Variants in HERC2 observed in about 807,000 individuals in gnomAD.
The protein encoded by HERC2 is HECT and RLD domain containing E3 ubiquitin protein ligase 2, also known as E3 ubiquitin-protein ligase HERC2.
Under a neutral mutation model 537.7 loss-of-function variants are expected in HERC2, and 102 were observed. The ratio of observed to expected loss-of-function variants is 0.19; its 90% confidence interval spans 0.16 to 0.22. HERC2 has a LOEUF of 0.22. Among genes scored for constraint, HERC2 ranks in the 10% least tolerant of loss-of-function variants. HERC2 has a pLI of 1.00. For missense variants in HERC2, 4,236 were observed against 6,198.2 expected (o/e 0.68, Z 10.63); for synonymous variants, 2,224 against 2,466.2 (o/e 0.90, Z 2.91).
chr15:28,174,928 T>C (rs1857614631), intron 64 of HERC2, among the ~76,000 whole-genome samples: 1 of 152,124 alleles, frequency 6.6e-6, no homozygotes. Flanking sequence ...AATAATTTTT[T>C]CCCTTTTATT....
At chr15:28,195,403 C>G (rs1025299227) in intron 52 of HERC2, among the ~76,000 whole-genome samples, 8 of 151,248 alleles carry the variant, frequency 5.3e-5, no homozygotes, top group Non-Finnish European at 8.9e-5. Context: ...GGAGGTTGCA[C>G]TGAGCCAAGA....
Position 28,169,467 on chromosome 15 carries a change from T to C in HERC2, c.10229+17A>G. 1 of 1,535,666 alleles carries C rather than the reference T, an allele frequency of 6.5e-7. No homozygotes were observed. Among genetic ancestry groups the C allele is most frequent in the Non-Finnish European group, 8.8e-7 (1 of 1,137,466 alleles). ...TCACATAATTGCAGAATTTCAAAAATTAGCACAGAAGCCTACCTGGCATAC... is the reference window on the plus strand; with the variant it reads ...TCACATAATTGCAGAATTTCAAAAACTAGCACAGAAGCCTACCTGGCATAC... On this transcript the variant is annotated intron_variant, in intron 66 of 92. Transcript: ENST00000261609.
intron 9 of HERC2, chr15:28,272,008 T>C: frequency 1.8e-6 from 1 of 556,952 alleles, no homozygotes; most frequent in South Asian, 2.7e-5. Flanking sequence ...CTTGGTTTTG[T>C]GCTGACAAGG....
At chr15:28,114,039 C>T (rs535961852) in intron 90 of HERC2, among the ~76,000 whole-genome samples, 17 of 152,194 alleles carry the variant, frequency 1.1e-4, no homozygotes, top group East Asian at 1.9e-4. Flanking sequence ...AGACACGATA[C>T]GGGGGACAGC....
intron 48 of HERC2, among the ~76,000 whole-genome samples, chr15:28,200,845 T>C (rs918495028): frequency 5.6e-5 from 8 of 142,114 alleles, no homozygotes; most frequent in South Asian, 2.5e-4. Flanking sequence ...AATGAGATGA[T>C]TTGGGGGATT....
intron 15 of HERC2, among the ~76,000 whole-genome samples, chr15:28,262,121 C>G (rs1416548370): frequency 6.6e-6 from 1 of 152,182 alleles, no homozygotes; most frequent in East Asian, 1.9e-4. Flanking sequence ...TGCCTTTTCC[C>G]TTCTTCCTAC....
intron 23 of HERC2, among the ~76,000 whole-genome samples, chr15:28,239,678 T>A (rs560596941): frequency 6.9e-6 from 1 of 144,206 alleles, no homozygotes; most frequent in Non-Finnish European, 1.5e-5. Flanking sequence ...CCAACGAGAC[T>A]GAATTCAAAT....
At chr15:28,231,610 G>C (rs1901858870) in intron 30 of HERC2, among the ~76,000 whole-genome samples, 1 of 152,040 alleles carries the variant, frequency 6.6e-6, no homozygotes, top group South Asian at 2.1e-4. Context: ...GACGCCACTG[G>C]GGAGAGACAC....
chr15:28,245,483 G>C (rs1247611952), intron 23 of HERC2, among the ~76,000 whole-genome samples: 1 of 150,730 alleles, frequency 6.6e-6, no homozygotes, highest in African/African-American at 2.4e-5. Context: ...GGAGGCAGAG[G>C]TTGCAGTGAG....
At chr15:28,121,242 G>A in intron 86 of HERC2, 104 bp downstream of exon 86, 2 of 970,018 alleles carry the variant, frequency 2.1e-6, no homozygotes, top group South Asian at 2.8e-5. Context: ...TAAAGTTGGG[G>A]TGCACAGGAT....
intron 52 of HERC2, among the ~76,000 whole-genome samples, chr15:28,194,259 G>GT (rs1297637036): frequency 6.7e-6 from 1 of 148,352 alleles, no homozygotes; most frequent in African/African-American, 2.5e-5. Context: ...TACAGACGGG[G>GT]TTTCACCGTG....
intron 4 of HERC2, among the ~76,000 whole-genome samples, chr15:28,283,801 T>C (rs1264456252): frequency 6.6e-6 from 1 of 152,190 alleles, no homozygotes; most frequent in Non-Finnish European, 1.5e-5. Flanking sequence ...AGGGAGGTAG[T>C]TTCTATATCC....
Position 28,260,840 on chromosome 15 carries a change from T to C in HERC2, c.2253A>G (p.Glu751=), listed in dbSNP as rs61754658. The stretch of plus-strand genomic sequence containing the variant: ...TGTCCAGTCCTGGCAATGCTGCAGG[T>C]TCTGGCTTGGTCACGCGCAAGGTGT... ...HFDTLRVTKP[E]PAALPGLDTK... is the part of the protein sequence containing the mutation. Residue 751 remains glutamate, a synonymous_variant, in exon 16 of 93, where the codon GAA becomes GAG. Transcript: ENST00000261609. 1,162 of 1,614,248 alleles carry C rather than the reference T, an allele frequency of 7.2e-4. 11 individuals carry two copies. The African/African-American group carries it at 0.014, about 19-fold the overall frequency.
chr15:28,242,281 T>A (rs1903207673), intron 23 of HERC2, among the ~76,000 whole-genome samples: 1 of 152,198 alleles, frequency 6.6e-6, no homozygotes, highest in Non-Finnish European at 1.5e-5. Flanking sequence ...ATGGTACACT[T>A]AAATGGCAAA....
chr15:28,130,777 G>A (rs957898152), intron 81 of HERC2, among the ~76,000 whole-genome samples, 183 bp from the exon 82 acceptor site: 10 of 152,210 alleles, frequency 6.6e-5, no homozygotes, highest in Non-Finnish European at 1.2e-4. Flanking sequence ...AGGCGGGACC[G>A]TGACTGACAG....
chr15:28,121,179 C>A (rs1291799144), intron 86 of HERC2, among the ~76,000 whole-genome samples, 167 bp downstream of exon 86: 3 of 152,182 alleles, frequency 2.0e-5, no homozygotes, highest in African/African-American at 7.2e-5. Context: ...TCCTGGAAGC[C>A]CCAGCACATC....
Position 28,177,588 on chromosome 15 carries a change from C to G in HERC2, c.9164-79G>C. 5 of 1,278,156 alleles carry G rather than the reference C, an allele frequency of 3.9e-6. No homozygotes were observed. Among genetic ancestry groups the G allele is most frequent in the Non-Finnish European group, 5.7e-6 (5 of 876,354 alleles). 79.2% of individuals were successfully genotyped at this position (1,278,156 alleles called of 1,614,324 possible). A position where few individuals can be genotyped will look rare whatever the true frequency, so the allele number is the denominator to read the frequency against. ...CAGCATAGCTAGCTCCCTATTTTGC[C>G]TGGCATATAGCACACACTCAATGAG... On this transcript the variant is annotated intron_variant, in intron 59 of 92. Coordinates refer to ENST00000261609, the MANE Select transcript of HERC2 (RefSeq NM_004667.6). The surrounding 1 kb of genome is among the most constrained non-coding windows in gnomAD (Gnocchi z 5.0).
intron 85 of HERC2, among the ~76,000 whole-genome samples, chr15:28,123,447 C>G (rs1889141587): frequency 6.6e-6 from 1 of 152,214 alleles, no homozygotes; most frequent in Admixed American, 6.5e-5. Flanking sequence ...CAGAAACTAA[C>G]CCAACTTCTA....
intron 4 of HERC2, among the ~76,000 whole-genome samples, chr15:28,288,112 G>C (rs1054650350): frequency 6.6e-6 from 1 of 152,082 alleles, no homozygotes; most frequent in African/African-American, 2.4e-5. Context: ...TACCCAGACA[G>C]ACTGAAAAAC....
Sources: allele counts gnomAD v4.1 joint callset (sites outside exome capture counted in the v4.1 genomes callset), GRCh38; gene constraint gnomAD v4.1.1; non-coding constraint Gnocchi (gnomAD v3.1); transcripts MANE v1.5; gene names NCBI Gene and HGNC (gene_info 2026-07-23, HGNC 2026-07-21).